Variants in TNR observed in about 807,000 individuals in gnomAD.
TNR encodes tenascin R.
A neutral mutation model predicts 150.4 loss-of-function variants in TNR; 45 were observed. The ratio of observed to expected loss-of-function variants is 0.30; its 90% confidence interval spans 0.24 to 0.38. The LOEUF (loss-of-function observed/expected upper bound fraction) is 0.38, where lower values mean the gene tolerates loss of function less well. TNR is among the 10% of genes least tolerant of loss of function. The pLI is 1.00. For synonymous variants in TNR, 687 were observed against 678.4 expected (o/e 1.01, Z -0.20); for missense variants, 1,544 against 1,759.1 (o/e 0.88, Z 2.19).
At chr1:175,398,886 T>C (rs149389507) in intron 4 of TNR, among the ~76,000 whole-genome samples, 4 of 152,342 alleles carry the variant, frequency 2.6e-5, no homozygotes, top group African/African-American at 9.6e-5. Context: ...AGGTAGTTCA[T>C]GTAGAGATAA....
intron 1 of TNR, among the ~76,000 whole-genome samples, chr1:175,593,296 A>G (rs1013966260): frequency 3.9e-5 from 6 of 152,104 alleles, no homozygotes; most frequent in African/African-American, 1.2e-4. Context: ...ACACCCTCCA[A>G]CCCAGCCCTT....
chr1:175,361,713 A>G (rs976400649), intron 14 of TNR, among the ~76,000 whole-genome samples: 6 of 152,196 alleles, frequency 3.9e-5, no homozygotes, highest in African/African-American at 1.4e-4. Context: ...TGTTCTCCTA[A>G]TGAGGCAAGC....
intron 1 of TNR, among the ~76,000 whole-genome samples, chr1:175,529,650 G>C (rs908455260): frequency 2.2e-4 from 33 of 152,318 alleles, no homozygotes; most frequent in African/African-American, 7.5e-4. Context: ...TCTTTGGACA[G>C]TGTAATTTAG....
At chr1:175,742,207 C>A (rs532032471) in intron 1 of TNR, among the ~76,000 whole-genome samples, 3 of 152,240 alleles carry the variant, frequency 2.0e-5, no homozygotes, top group Non-Finnish European at 4.4e-5. Flanking sequence ...TAATACCTTG[C>A]AAAAAGTAGC....
intron 1 of TNR, among the ~76,000 whole-genome samples, chr1:175,547,655 G>T (rs2901915): frequency 0.47 from 68,378 of 144,240 alleles, 16,757 homozygotes; most frequent in East Asian, 0.67. Flanking sequence ...AAGAAAGGAA[G>T]AAGAAAGAAA....
intron 1 of TNR, among the ~76,000 whole-genome samples, chr1:175,680,080 C>T (rs147112935): frequency 6.6e-6 from 1 of 152,320 alleles, no homozygotes; most frequent in Non-Finnish European, 1.5e-5. Context: ...AAGCCAACAA[C>T]CACCCAGCTG....
At chr1:175,475,306 G>A (rs538932075) in intron 2 of TNR, among the ~76,000 whole-genome samples, 4 of 152,270 alleles carry the variant, frequency 2.6e-5, no homozygotes, top group African/African-American at 9.6e-5. Flanking sequence ...AGGGATGATG[G>A]CACCTTTCTG....
At chr1:175,381,857 A>G (rs1035539496) in intron 8 of TNR, among the ~76,000 whole-genome samples, 5 of 152,232 alleles carry the variant, frequency 3.3e-5, no homozygotes, top group African/African-American at 1.2e-4. Flanking sequence ...CTTCTCAGAT[A>G]TCTCCATGTA....
chr1:175,357,336 C>A (rs1480879247), intron 15 of TNR, among the ~76,000 whole-genome samples: 1 of 152,078 alleles, frequency 6.6e-6, no homozygotes, highest in African/African-American at 2.4e-5. Flanking sequence ...CTCTGTTGGG[C>A]AATTAGAATA....
intron 2 of TNR, among the ~76,000 whole-genome samples, chr1:175,437,276 T>C (rs9792886): frequency 0.25 from 38,677 of 152,006 alleles, 5,203 homozygotes; most frequent in East Asian, 0.52. Context: ...CCTGAATGAC[T>C]ACTGGGTACA....
At chr1:175,655,490 C>T (rs1392450599) in intron 1 of TNR, among the ~76,000 whole-genome samples, 7 of 152,176 alleles carry the variant, frequency 4.6e-5, no homozygotes, top group Admixed American at 4.6e-4. Context: ...GGCATTCAGA[C>T]CCAGATCTGT....
chr1:175,523,701 G>T (rs1011833208), intron 2 of TNR, among the ~76,000 whole-genome samples: 3 of 152,114 alleles, frequency 2.0e-5, no homozygotes, highest in Non-Finnish European at 4.4e-5. Context: ...TGGACTATTA[G>T]AGCAACTTCC....
intron 1 of TNR, among the ~76,000 whole-genome samples, chr1:175,708,219 G>A (rs1666896611): frequency 6.6e-6 from 1 of 152,198 alleles, no homozygotes; most frequent in South Asian, 2.1e-4. Context: ...CTCATGGTGA[G>A]AACTGCTTTG....
intron 1 of TNR, among the ~76,000 whole-genome samples, chr1:175,560,992 C>A (rs1379748709): frequency 1.3e-5 from 2 of 152,156 alleles, no homozygotes; most frequent in Non-Finnish European, 2.9e-5. Flanking sequence ...TTTCTCTTCT[C>A]ATCTTTAACG....
chr1:175,347,939 T>G (rs1165899149), intron 18 of TNR, among the ~76,000 whole-genome samples: 1 of 151,938 alleles, frequency 6.6e-6, no homozygotes, highest in Non-Finnish European at 1.5e-5. Flanking sequence ...AAATAAGAGG[T>G]ATAAGAATTA....
In TNR at chr1:175,406,522, A is replaced by G. The variant is rs2102048879; in HGVS notation, c.193T>C (p.Phe65Leu). 1 of 1,614,212 alleles carries G rather than the reference A, an allele frequency of 6.2e-7. No homozygotes were observed. The highest frequency in any genetic ancestry group is 8.5e-7 in the Non-Finnish European group (1 of 1,180,036). ...NTSSKEQPVV[F>L]NHVYNINVPL... Reference sequence around the variant, plus strand: ...ACGTTAATGTTGTACACGTGGTTGAAGACCACAGGCTGCTCTTTGCTGGAT... The same window carrying G: ...ACGTTAATGTTGTACACGTGGTTGAGGACCACAGGCTGCTCTTTGCTGGAT... Residue 65 changes from phenylalanine (F) to leucine (L), a missense_variant, in exon 3 of 23, where the codon TTC becomes CTC. Phe to Leu is a conservative substitution (Grantham distance 22). Transcript: ENST00000367674.
chr1:175,492,042 C>T (rs556723947), intron 2 of TNR, among the ~76,000 whole-genome samples: 1 of 152,128 alleles, frequency 6.6e-6, no homozygotes, highest in East Asian at 1.9e-4. Flanking sequence ...TGGCCAAAGG[C>T]CATTGATGGC....
chr1:175,479,374 G>A (rs1366215543), intron 2 of TNR, among the ~76,000 whole-genome samples: 3 of 152,176 alleles, frequency 2.0e-5, no homozygotes, highest in Admixed American at 1.3e-4. Flanking sequence ...CACCAACAAT[G>A]CGGTATTCCC....
intron 22 of TNR, 140 bp from the exon 23 acceptor site, chr1:175,323,616 T>C: frequency 8.1e-7 from 1 of 1,228,368 alleles, no homozygotes; most frequent in South Asian, 1.5e-5. Flanking sequence ...CAAGGCCGAG[T>C]TCCCAATAAA....
Sources: gnomAD v4.1 joint callset for allele counts (sites outside exome capture counted in the v4.1 genomes callset) on GRCh38, gnomAD v4.1.1 for gene constraint, MANE v1.5 for transcripts, NCBI Gene and HGNC (gene_info 2026-07-23, HGNC 2026-07-21) for gene names.